Variants in CAB39 observed in about 807,000 individuals in gnomAD.
The protein encoded by CAB39 is calcium binding protein 39, also known as calcium-binding protein 39.
A neutral mutation model predicts 40.0 loss-of-function variants in CAB39; 8 were observed. The ratio of observed to expected loss-of-function variants is 0.20; its 90% CI spans 0.12 to 0.36. CAB39 has a LOEUF of 0.36. Ranked by LOEUF, CAB39 falls within the 10% of genes least tolerant of loss-of-function variation. The probability of loss-of-function intolerance (pLI) is 1.00; values close to 1 mark genes in which losing one functional copy is unlikely to be tolerated. For synonymous variants in CAB39, 156 were observed against 141.6 expected, an observed-to-expected ratio of 1.10 and a Z score of -0.72; for missense variants, 270 against 401.1, an observed-to-expected ratio of 0.67 and a Z score of 2.79.
chr2:230,774,731 G>C (rs1160926490), intron 2 of CAB39, among the ~76,000 whole-genome samples: 1 of 152,172 alleles, frequency 6.6e-6, no homozygotes, highest in Non-Finnish European at 1.5e-5. Context: ...CCTCTTCATA[G>C]CATGGCCATT....
At chr2:230,817,925 T>C (rs1000889811) in intron 8 of CAB39, 28 bp downstream of exon 8, 3 of 1,583,218 alleles carry the variant, frequency 1.9e-6, no homozygotes, top group Non-Finnish European at 8.6e-7. Context: ...TCAGTGATAC[T>C]GTCCACTGGA....
chr2:230,805,933 A>G (rs929396158), intron 5 of CAB39, among the ~76,000 whole-genome samples: 1 of 152,186 alleles, frequency 6.6e-6, no homozygotes, highest in Non-Finnish European at 1.5e-5. Flanking sequence ...ATACTTATCA[A>G]ATGTGTAGAT....
intron 5 of CAB39, among the ~76,000 whole-genome samples, chr2:230,807,468 C>G (rs1057466899): frequency 6.9e-6 from 1 of 144,932 alleles, no homozygotes; most frequent in Non-Finnish European, 1.5e-5. Flanking sequence ...GGTTTTCATC[C>G]TGTTACGTAC....
intron 4 of CAB39, 77 bp from the exon 5 acceptor site, chr2:230,798,652 A>T: frequency 8.0e-7 from 1 of 1,253,018 alleles, no homozygotes; most frequent in South Asian, 1.6e-5. Flanking sequence ...TTGGCCTGAA[A>T]GTTTGAACTG....
intron 1 of CAB39, among the ~76,000 whole-genome samples, chr2:230,724,720 A>C (rs1253545182): frequency 3.3e-5 from 5 of 150,054 alleles, no homozygotes; most frequent in African/African-American, 1.0e-4. Flanking sequence ...AAAAAAAAAA[A>C]AACCTCTATG....
intron 2 of CAB39, chr2:230,779,114 T>C (rs1695644663): frequency 6.6e-6 from 1 of 152,220 alleles, no homozygotes; most frequent in Non-Finnish European, 1.5e-5. Flanking sequence ...TAAAAAATTA[T>C]TAAATGTAAT....
intron 1 of CAB39, among the ~76,000 whole-genome samples, chr2:230,757,994 A>G (rs76066022): frequency 0.015 from 2,257 of 152,226 alleles, 58 homozygotes; most frequent in African/African-American, 0.05. Context: ...TTAGAAGTGG[A>G]CTTAAAGATC....
chr2:230,789,782 G>A (rs1345470926), intron 2 of CAB39, among the ~76,000 whole-genome samples: 2 of 152,196 alleles, frequency 1.3e-5, no homozygotes, highest in Non-Finnish European at 2.9e-5. Flanking sequence ...TGGGTTGCCA[G>A]GTCTGCCTCT....
At chr2:230,807,894 TCTG>T (rs1696230456) in intron 5 of CAB39, among the ~76,000 whole-genome samples, 1 of 152,100 alleles carries the variant, frequency 6.6e-6, no homozygotes, top group African/African-American at 2.4e-5. Context: ...GCAAGTTCCT[TCTG>T]CTGTACTTCC....
intron 1 of CAB39, among the ~76,000 whole-genome samples, chr2:230,748,833 T>A (rs1156358239): frequency 0.11 from 2,908 of 27,276 alleles, 73 homozygotes; most frequent in African/African-American, 0.18. Context: ...AAAAAAAAAA[T>A]ATATATATAT....
chr2:230,741,472 T>G (rs1412152234), intron 1 of CAB39, among the ~76,000 whole-genome samples: 1 of 152,220 alleles, frequency 6.6e-6, no homozygotes, highest in African/African-American at 2.4e-5. Context: ...CTGGCTTGGC[T>G]TGGACTGGGA....
intron 1 of CAB39, among the ~76,000 whole-genome samples, chr2:230,729,678 G>A (rs1012637169): frequency 4.6e-5 from 7 of 151,868 alleles, no homozygotes; most frequent in Non-Finnish European, 1.0e-4. Flanking sequence ...GCTTGAACCC[G>A]GGAGGTGGAG....
chr2:230,775,702 T>C (rs1439753943), intron 2 of CAB39, among the ~76,000 whole-genome samples: 1 of 152,238 alleles, frequency 6.6e-6, no homozygotes, highest in Non-Finnish European at 1.5e-5. Context: ...GTTTTCCTCA[T>C]GCATGGTTGC....
chr2:230,739,329 T>C (rs184844549), intron 1 of CAB39, among the ~76,000 whole-genome samples: 4 of 152,366 alleles, frequency 2.6e-5, no homozygotes, highest in Non-Finnish European at 5.9e-5. Context: ...TCTAAAGATA[T>C]GATAATTTAA....
chr2:230,813,837 T>C, intron 6 of CAB39: 1 of 450,624 alleles, frequency 2.2e-6, no homozygotes, highest in East Asian at 4.3e-5. Flanking sequence ...ATGGAAGGGA[T>C]TGGTGGGATC....
intron 6 of CAB39, among the ~76,000 whole-genome samples, chr2:230,813,198 C>G (rs947359268): frequency 6.6e-6 from 1 of 152,156 alleles, no homozygotes; most frequent in African/African-American, 2.4e-5. Context: ...GCTAACTGGC[C>G]TTGTCTACTA....
At chr2:230,728,111 C>T (rs1456621258) in intron 1 of CAB39, among the ~76,000 whole-genome samples, 2 of 152,028 alleles carry the variant, frequency 1.3e-5, no homozygotes, top group African/African-American at 2.4e-5. Context: ...TGGTGGCGCA[C>T]GCCTGTAGTC....
intron 7 of CAB39, among the ~76,000 whole-genome samples, chr2:230,817,217 T>A (rs1696417714): frequency 6.6e-6 from 1 of 152,204 alleles, no homozygotes; most frequent in South Asian, 2.1e-4. Context: ...AGAAAAATAC[T>A]CACTTGTGTA....
At chr2:230,810,981 T>C (rs528276438) in intron 6 of CAB39, among the ~76,000 whole-genome samples, 3 of 152,224 alleles carry the variant, frequency 2.0e-5, no homozygotes, top group Non-Finnish European at 2.9e-5. Flanking sequence ...AGGGCTGCCA[T>C]GTGAAATGAT....
Sources: allele counts gnomAD v4.1 joint callset (sites outside exome capture counted in the v4.1 genomes callset), GRCh38; gene constraint gnomAD v4.1.1; transcripts MANE v1.5; gene names NCBI Gene and HGNC (gene_info 2026-07-23, HGNC 2026-07-21).